Variants in CDK6 observed in about 807,000 individuals in gnomAD.
CDK6 encodes cyclin-dependent kinase 6.
A neutral mutation model predicts 37.1 loss-of-function variants in CDK6; 6 were observed. That is an observed-to-expected ratio of 0.16 (90% CI 0.09 to 0.32). The LOEUF is 0.32. CDK6 is among the 10% of genes least tolerant of loss of function. The pLI is 1.00. For missense variants in CDK6, 224 were observed against 418.9 expected, an observed-to-expected ratio of 0.53 and a Z score of 4.06; for synonymous variants, 160 against 161.3, an observed-to-expected ratio of 0.99 and a Z score of 0.06.
intron 4 of CDK6, among the ~76,000 whole-genome samples, chr7:92,692,655 C>T (rs768830926): frequency 6.6e-6 from 1 of 151,886 alleles, no homozygotes; most frequent in Non-Finnish European, 1.5e-5. Flanking sequence ...TGTGGTGGTG[C>T]GTGCCCGTGG....
rs144537540 is a variant in CDK6, at chr7:92,605,727, A to C, written c.*9413T>G. The C allele has an allele frequency of 6.1e-4, 142 of 233,202 alleles. No homozygotes were observed. Among genetic ancestry groups the C allele is most frequent in the African/African-American group, 2.9e-3 (130 of 45,444 alleles). 14.4% of individuals were successfully genotyped at this position (233,202 alleles called of 1,614,324 possible). On this transcript the variant is annotated 3_prime_UTR_variant, in exon 8 of 8. Transcript: ENST00000424848. ...ATGGAGGGATGGTTGCTAGAGTGAG[A>C]CAGCCCTTCCCCTCTTGCTATGTCT... is the stretch of plus-strand genomic sequence containing the variant.
At chr7:92,737,964 A>T (rs1798826075) in intron 3 of CDK6, among the ~76,000 whole-genome samples, 4 of 152,254 alleles carry the variant, frequency 2.6e-5, no homozygotes, top group Admixed American at 2.0e-4. Context: ...TCCTTCCCAT[A>T]AACACATCTG....
chr7:92,705,658 T>TAC (rs2116670154), intron 4 of CDK6, among the ~76,000 whole-genome samples: 1 of 152,332 alleles, frequency 6.6e-6, no homozygotes, highest in East Asian at 1.9e-4. Context: ...CAACACTACT[T>TAC]ATGTGGCCAA....
chr7:92,750,873 T>C (rs1799172019), intron 3 of CDK6, among the ~76,000 whole-genome samples: 1 of 152,188 alleles, frequency 6.6e-6, no homozygotes, highest in Non-Finnish European at 1.5e-5. Flanking sequence ...GATTTAATGA[T>C]ACTTAATGAC....
At chr7:92,682,032 C>A (rs978842444) in intron 4 of CDK6, among the ~76,000 whole-genome samples, 1 of 152,142 alleles carries the variant, frequency 6.6e-6, no homozygotes, top group African/African-American at 2.4e-5. Context: ...AGTTTCCCTA[C>A]TTCTCTTGAC....
rs1187262594 is a variant in CDK6 at position 92,608,097 on chromosome 7, CG to C, written c.*7042del. 1.3e-4 allele frequency: 31 copies of C among 232,878 alleles called. No individual in the cohort carries two copies. Among genetic ancestry groups the C allele is most frequent in the African/African-American group, 5.7e-4 (26 of 45,372 alleles). 14.4% of individuals were successfully genotyped at this position (232,878 alleles called of 1,614,324 possible). Reference sequence around the variant, plus strand: ...CAGAACTTTAACCTAAGCACATCAACGGAATTTTTCTAGGGACCACAGAGAG... The same window carrying C: ...CAGAACTTTAACCTAAGCACATCAACGAATTTTTCTAGGGACCACAGAGAG... On this transcript the variant is annotated 3_prime_UTR_variant, in exon 8 of 8. Coordinates refer to ENST00000424848, the MANE Select transcript of CDK6 (RefSeq NM_001145306.2).
chr7:92,644,978 C>G (rs1010728656), intron 5 of CDK6, among the ~76,000 whole-genome samples: 2 of 152,224 alleles, frequency 1.3e-5, no homozygotes. Flanking sequence ...CTCTCTGTTA[C>G]AGCTTGGCCA....
intron 4 of CDK6, among the ~76,000 whole-genome samples, chr7:92,689,823 A>T (rs577972363): frequency 5.3e-5 from 8 of 152,232 alleles, no homozygotes; most frequent in African/African-American, 1.9e-4. Flanking sequence ...AATAATAGCA[A>T]TCTGATGGTG....
chr7:92,698,201 C>T (rs954710278), intron 4 of CDK6, among the ~76,000 whole-genome samples: 52 of 152,314 alleles, frequency 3.4e-4, no homozygotes, highest in African/African-American at 1.1e-3. Flanking sequence ...AACAGCTCTC[C>T]ATGAACTTTA....
At chr7:92,768,217 A>C (rs909065819) in intron 3 of CDK6, among the ~76,000 whole-genome samples, 2 of 152,232 alleles carry the variant, frequency 1.3e-5, no homozygotes, top group Admixed American at 6.5e-5. Flanking sequence ...AACAAAGGAT[A>C]TAGAAAACAC....
chr7:92,676,909 A>C (rs567537058), intron 4 of CDK6, among the ~76,000 whole-genome samples: 1 of 151,194 alleles, frequency 6.6e-6, no homozygotes, highest in South Asian at 2.1e-4. Context: ...CAGTGAGCTG[A>C]GATCGCGCCA....
intron 2 of CDK6, among the ~76,000 whole-genome samples, chr7:92,778,482 G>C (rs1322840023): frequency 6.6e-6 from 1 of 152,092 alleles, no homozygotes; most frequent in Non-Finnish European, 1.5e-5. Flanking sequence ...AAATATGATT[G>C]CTATCATGCA....
intron 3 of CDK6, among the ~76,000 whole-genome samples, chr7:92,729,461 C>G (rs1798592175): frequency 6.6e-6 from 1 of 152,114 alleles, no homozygotes; most frequent in Admixed American, 6.5e-5. Flanking sequence ...ACTTGGGACC[C>G]TCACTCTATC....
intron 5 of CDK6, among the ~76,000 whole-genome samples, chr7:92,655,971 G>A (rs1163134805): frequency 6.6e-6 from 1 of 152,196 alleles, no homozygotes; most frequent in Non-Finnish European, 1.5e-5. Context: ...AATTTGGCAA[G>A]CAAAACTGGA....
intron 2 of CDK6, among the ~76,000 whole-genome samples, chr7:92,801,316 T>C (rs1235388509): frequency 6.6e-6 from 1 of 152,190 alleles, no homozygotes; most frequent in African/African-American, 2.4e-5. Flanking sequence ...TTTTAGAGAA[T>C]GGAATATTTC....
At chr7:92,782,553 T>C (rs1014644032) in intron 2 of CDK6, among the ~76,000 whole-genome samples, 1 of 152,162 alleles carries the variant, frequency 6.6e-6, no homozygotes, top group Non-Finnish European at 1.5e-5. Context: ...AACTCTACAC[T>C]GGGATTATGA....
At chr7:92,688,472 T>C (rs1429561897) in intron 4 of CDK6, among the ~76,000 whole-genome samples, 2 of 152,016 alleles carry the variant, frequency 1.3e-5, no homozygotes, top group Admixed American at 6.6e-5. Flanking sequence ...AACTGTAAAA[T>C]ATTAGGCTTT....
At chr7:92,684,550 C>G (rs1797406528) in intron 4 of CDK6, among the ~76,000 whole-genome samples, 1 of 152,106 alleles carries the variant, frequency 6.6e-6, no homozygotes, top group Non-Finnish European at 1.5e-5. Context: ...ACAGGCATGT[C>G]TATGCTGTTC....
chr7:92,734,788 C>T (rs1049365080), intron 3 of CDK6, among the ~76,000 whole-genome samples: 12 of 152,134 alleles, frequency 7.9e-5, no homozygotes, highest in African/African-American at 2.9e-4. Flanking sequence ...TACCTTTTAG[C>T]CATTAAAACA....
Sources: allele counts gnomAD v4.1 joint callset (sites outside exome capture counted in the v4.1 genomes callset), GRCh38; gene constraint gnomAD v4.1.1; transcripts MANE v1.5; gene names NCBI Gene and HGNC (gene_info 2026-07-23, HGNC 2026-07-21).